The following CCDC171 variants were observed in gnomAD, a reference collection of about 807,000 sequenced individuals.
The protein encoded by CCDC171 is coiled-coil domain containing 171, also known as coiled-coil domain-containing protein 171.
A neutral mutation model predicts 168.2 loss-of-function variants in CCDC171; 177 were observed. That is an observed-to-expected ratio of 1.05 (90% CI 0.93 to 1.19). The LOEUF (loss-of-function observed/expected upper bound fraction) is 1.19. Among genes scored for constraint, CCDC171 ranks in the 50% most tolerant of loss-of-function variants. CCDC171 has a pLI of 0.00. For synonymous variants in CCDC171, 687 were observed against 540.8 expected (o/e 1.27, Z -3.75); for missense variants, 1,991 against 1,539.0 (o/e 1.29, Z -4.91).
At chr9:15,932,609 C>G (rs1238500091) in intron 25 of CCDC171, among the ~76,000 whole-genome samples, 1 of 151,824 alleles carries the variant, frequency 6.6e-6, no homozygotes, top group East Asian at 1.9e-4. Context: ...GTTTCTTTCT[C>G]TTGCATAATT....
chr9:15,888,271 A>G (rs1243037352), intron 24 of CCDC171, among the ~76,000 whole-genome samples: 1 of 152,220 alleles, frequency 6.6e-6, no homozygotes, highest in Non-Finnish European at 1.5e-5. Context: ...TGCAATAATT[A>G]GAAGAATAAT....
chr9:15,964,792 C>T (rs557912204), intron 25 of CCDC171, among the ~76,000 whole-genome samples: 1 of 152,244 alleles, frequency 6.6e-6, no homozygotes, highest in South Asian at 2.1e-4. Context: ...CAGAGTCTCA[C>T]TCTTGTCACC....
Position 15,666,295 on chromosome 9 carries a change from G to A in CCDC171, c.1048G>A (p.Ala350Thr), listed in dbSNP as rs1466709880. Residue 350 changes from alanine to threonine, a missense_variant, in exon 9 of 26, where the codon GCA (alanine) becomes ACA (threonine). By Grantham distance (58) the Ala-to-Thr change is moderately conservative (BLOSUM62 0). Coordinates refer to ENST00000380701, the MANE Select transcript of CCDC171 (RefSeq NM_173550.4). Reference sequence around the variant, plus strand: ...TGCATATGAGCGAGAAAAGCATAATGCACAAGAGAGCTTTGCAAAACTAAA... The same window carrying A: ...TGCATATGAGCGAGAAAAGCATAATACACAAGAGAGCTTTGCAAAACTAAA... ...ESAYEREKHN[A>T]QESFAKLNLL... The A allele has an allele frequency of 6.2e-7, 1 of 1,609,606 alleles. No homozygotes were observed. Among genetic ancestry groups the A allele is most frequent in the Non-Finnish European group, 8.5e-7 (1 of 1,178,324 alleles).
intron 8 of CCDC171, among the ~76,000 whole-genome samples, chr9:16,037,243 C>A (rs1235725804): frequency 6.6e-6 from 1 of 152,092 alleles, no homozygotes; most frequent in Non-Finnish European, 1.5e-5. Flanking sequence ...TATGAAAATG[C>A]CACTCTGTAC....
rs1340642865 is a variant in CCDC171, at chr9:15,971,950, A to G, written c.*114A>G. The G allele has an allele frequency of 5.7e-6, 5 of 883,592 alleles. No individual in the cohort carries two copies. The highest frequency in any genetic ancestry group is 8.9e-6 in the Non-Finnish European group (5 of 564,856). The allele number at this position is 883,592 out of a possible 1,614,324, so 54.7% of individuals were successfully genotyped here. On this transcript the variant is annotated 3_prime_UTR_variant, in exon 26 of 26. Transcript: ENST00000380701. ...CAGCAGAAGTGGCAGTGGATTTAAA[A>G]AATTTGTGCGCTATCTTGATGTATT...
chr9:15,627,139 A>G (rs548441386), intron 7 of CCDC171, among the ~76,000 whole-genome samples: 1 of 152,182 alleles, frequency 6.6e-6, no homozygotes, highest in East Asian at 1.9e-4. Flanking sequence ...GGTAGTTTGT[A>G]TTTCCGTGGG....
chr9:15,854,484 C>T (rs1055902630), intron 23 of CCDC171, among the ~76,000 whole-genome samples: 1 of 151,466 alleles, frequency 6.6e-6, no homozygotes, highest in African/African-American at 2.4e-5. Context: ...TTCTCTTGGT[C>T]AGTCTAGGTA....
In CCDC171 at chr9:15,658,408, C is replaced by A. The variant is rs2048090901; in HGVS notation, c.915+1189C>A. Among the ~76,000 whole-genome samples, 3 of 152,126 alleles carry A rather than the reference C, an allele frequency of 2.0e-5. No homozygotes were observed. In the South Asian group the frequency reaches 6.2e-4, roughly 32 times the overall value. ...GGCTGGGTGAAGAGATGATGAACAC[C>A]TGAATCAAGACAACGACTGTAGCAA... is the stretch of plus-strand genomic sequence containing the variant. On this transcript the variant is annotated intron_variant, in intron 8 of 25. Transcript: ENST00000380701.
At chr9:15,676,822 A>C (rs1371534801) in intron 9 of CCDC171, among the ~76,000 whole-genome samples, 1 of 152,144 alleles carries the variant, frequency 6.6e-6, no homozygotes, top group African/African-American at 2.4e-5. Flanking sequence ...AAGTCAGTTG[A>C]ATCCTGATCT....
intron 3 of CCDC171, among the ~76,000 whole-genome samples, chr9:16,012,897 A>G (rs1832907651): frequency 1.3e-5 from 2 of 151,978 alleles, no homozygotes; most frequent in South Asian, 2.1e-4. Flanking sequence ...CATCTTGGGA[A>G]CTCCTAAATG....
the CCDC171 span, among the ~76,000 whole-genome samples, chr9:16,082,193 T>C: frequency 6.6e-6 from 1 of 152,246 alleles, no homozygotes; most frequent in Non-Finnish European, 1.5e-5. Flanking sequence ...GGAAAGGTAT[T>C]TCGTGTCTTC....
chr9:15,615,777 A>ATT lies in CCDC171; in HGVS notation c.676-7475_676-7474dup, dbSNP rs35595117. Among the ~76,000 whole-genome samples the ATT allele has an allele frequency of 6.0e-3, 844 of 140,216 alleles. 6 individuals carry two copies. Among genetic ancestry groups the ATT allele is most frequent in the African/African-American group, 0.022 (819 of 37,654 alleles). The allele number at this position is 140,216 out of a possible 152,430, so 92.0% of individuals were successfully genotyped here. On this transcript the variant is annotated intron_variant, in intron 6 of 25. Coordinates refer to ENST00000380701, the MANE Select transcript of CCDC171 (RefSeq NM_173550.4). ...GTCAGTAAAATGGGAATCACGTGTG[A>ATT]TTTTTTTTTTTTTTTTCTTCAGACA...
At chr9:16,108,035 G>C in the CCDC171 span, among the ~76,000 whole-genome samples, 228 of 152,318 alleles carry the variant, frequency 1.5e-3, 2 homozygotes, top group African/African-American at 5.0e-3. Flanking sequence ...GCAAGTGAAT[G>C]GAAAGTTCAG....
chr9:15,813,610 G>GTC (rs2059445116), intron 21 of CCDC171, among the ~76,000 whole-genome samples: 1 of 151,674 alleles, frequency 6.6e-6, no homozygotes, highest in South Asian at 2.1e-4. Context: ...ATGTATTTGT[G>GTC]TGTGTGTGTG....
At chr9:15,772,000 T>A (rs1489201141) in intron 18 of CCDC171, among the ~76,000 whole-genome samples, 1 of 152,062 alleles carries the variant, frequency 6.6e-6, no homozygotes, top group Non-Finnish European at 1.5e-5. Context: ...ATTCAGCTAA[T>A]TTTTTGTATT....
intron 3 of CCDC171, among the ~76,000 whole-genome samples, chr9:16,016,895 A>G (rs1157585380): frequency 6.6e-6 from 1 of 152,204 alleles, no homozygotes; most frequent in Non-Finnish European, 1.5e-5. Context: ...CTAGCAATCT[A>G]AAATGATATA....
chr9:15,806,394 G>A (rs1296199415), intron 21 of CCDC171, among the ~76,000 whole-genome samples: 1 of 152,138 alleles, frequency 6.6e-6, no homozygotes, highest in Non-Finnish European at 1.5e-5. Context: ...TCCATATTTA[G>A]TGCTTTCTTC....
At chr9:15,825,438 A>G (rs988434991) in intron 21 of CCDC171, among the ~76,000 whole-genome samples, 4 of 152,154 alleles carry the variant, frequency 2.6e-5, no homozygotes, top group African/African-American at 9.7e-5. Flanking sequence ...GTTCTCTGCA[A>G]TCCTCTAATT....
intron 10 of CCDC171, among the ~76,000 whole-genome samples, chr9:15,690,728 A>G (rs1039117679): frequency 6.6e-6 from 1 of 152,176 alleles, no homozygotes; most frequent in African/African-American, 2.4e-5. Flanking sequence ...GAAATGAGAA[A>G]AAATGATTTG....
Sources: gnomAD v4.1 joint callset for allele counts (sites outside exome capture counted in the v4.1 genomes callset) on GRCh38, gnomAD v4.1.1 for gene constraint, MANE v1.5 for transcripts, NCBI Gene and HGNC (gene_info 2026-07-23, HGNC 2026-07-21) for gene names.